The following NUP98 variants were observed in gnomAD, a reference collection of about 807,000 sequenced individuals.
The protein encoded by NUP98 is nucleoporin 98 and 96 precursor, also known as nuclear pore complex protein Nup98-Nup96.
NUP98 carries 26 observed loss-of-function variants against 191.9 expected under a neutral mutation model. The ratio of observed to expected loss-of-function variants is 0.14; its 90% CI spans 0.10 to 0.19. The LOEUF (loss-of-function observed/expected upper bound fraction) is 0.19. NUP98 is among the 10% of genes least tolerant of loss of function. The probability of loss-of-function intolerance (pLI) is 1.00; values close to 1 mark genes in which losing one functional copy is unlikely to be tolerated. For synonymous variants in NUP98, 808 were observed against 778.4 expected (o/e 1.04, Z -0.63); for missense variants, 1,941 against 2,178.8 (o/e 0.89, Z 2.17).
At chr11:3,680,173 A>G (rs935225584) in intron 30 of NUP98, among the ~76,000 whole-genome samples, 16 of 151,462 alleles carry the variant, frequency 1.1e-4, no homozygotes, top group African/African-American at 3.9e-4. Flanking sequence ...ATTTCTTAAA[A>G]TAAGATAACT....
intron 12 of NUP98, among the ~76,000 whole-genome samples, chr11:3,735,954 G>A (rs1449934114): frequency 6.6e-6 from 1 of 152,008 alleles, no homozygotes; most frequent in Non-Finnish European, 1.5e-5. Flanking sequence ...CCAGGCTGGA[G>A]TGTAGTGGCA....
intron 12 of NUP98, among the ~76,000 whole-genome samples, chr11:3,737,173 A>C (rs541871050): frequency 5.9e-5 from 9 of 152,314 alleles, no homozygotes; most frequent in African/African-American, 1.9e-4. Flanking sequence ...TTACAGACAA[A>C]AATACTACCT....
At chr11:3,772,313 T>C (rs2081556135) in intron 6 of NUP98, among the ~76,000 whole-genome samples, 3 of 152,118 alleles carry the variant, frequency 2.0e-5, no homozygotes, top group Non-Finnish European at 2.9e-5. Context: ...ATTTAGAAAA[T>C]AAAGTTTATC....
At chr11:3,742,899 GATTA>G (rs1215429746) in intron 12 of NUP98, among the ~76,000 whole-genome samples, 1 of 152,116 alleles carries the variant, frequency 6.6e-6, no homozygotes, top group Non-Finnish European at 1.5e-5. Flanking sequence ...TAGTATGGGA[GATTA>G]ATTTAGTGGT....
chr11:3,689,335 G>A (rs1335646139), intron 28 of NUP98, among the ~76,000 whole-genome samples: 1 of 152,076 alleles, frequency 6.6e-6, no homozygotes, highest in Non-Finnish European at 1.5e-5. Context: ...GACCATCTTG[G>A]CTAACACGGT....
intron 1 of NUP98, among the ~76,000 whole-genome samples, chr11:3,785,822 T>C (rs1032284786): frequency 6.6e-6 from 1 of 152,152 alleles, no homozygotes; most frequent in Non-Finnish European, 1.5e-5. Context: ...TCCATTCCAT[T>C]TGGATTTTAC....
rs181032591 is a variant in NUP98, at chr11:3,757,732, G to T, written c.1174+2807C>A. ...AAGAATCGCTTGAACCCAGGAGGCA[G>T]AGGTTGCAGTGAGCTGAAATCGCGC... On this transcript the variant is annotated intron_variant, in intron 10 of 32. Transcript: ENST00000324932. Among the ~76,000 whole-genome samples, 574 of 152,194 alleles carry T rather than the reference G, an allele frequency of 3.8e-3. 2 individuals are homozygous for T. Among genetic ancestry groups the T allele is most frequent in the African/African-American group, 0.013 (549 of 41,526 alleles).
intron 31 of NUP98, 73 bp downstream of exon 31, chr11:3,679,481 C>A: frequency 6.6e-7 from 1 of 1,524,054 alleles, no homozygotes. Context: ...TATACTAAGG[C>A]CTTGTGAGGT....
At position 3,725,884 on chromosome 11, in the gene NUP98, A is replaced by C. The variant is rs377630684; in HGVS notation, c.1731-665T>G. Among the ~76,000 whole-genome samples the C allele has an allele frequency of 5.3e-5, 8 of 152,280 alleles. No homozygotes were observed. In the East Asian group the frequency reaches 1.5e-3, roughly 29 times the overall value. ...GTGTGTAGTGGTACAATCGCTGATC[A>C]TGGCTCACTACAGCCTTGACTTACC... On this transcript the variant is annotated intron_variant, in intron 14 of 32. Coordinates refer to ENST00000324932, the MANE Select transcript of NUP98 (RefSeq NM_016320.5).
intron 8 of NUP98, among the ~76,000 whole-genome samples, chr11:3,765,222 T>C (rs1016214094): frequency 6.6e-6 from 1 of 152,158 alleles, no homozygotes; most frequent in African/African-American, 2.4e-5. Flanking sequence ...TAGGGTCTCA[T>C]TATGTCGCTC....
intron 18 of NUP98, among the ~76,000 whole-genome samples, chr11:3,715,179 C>T (rs561269655): frequency 1.3e-5 from 2 of 152,312 alleles, no homozygotes; most frequent in East Asian, 3.9e-4. Context: ...CTGAGTCTCG[C>T]TCTGTCACCC....
intron 15 of NUP98, among the ~76,000 whole-genome samples, 179 bp from the exon 16 acceptor site, chr11:3,723,634 G>C (rs1286806793): frequency 1.3e-5 from 2 of 151,714 alleles, no homozygotes; most frequent in African/African-American, 2.4e-5. Context: ...TATCTCTATT[G>C]TATACTCTCC....
At chr11:3,766,841 G>T (rs1166182432) in intron 8 of NUP98, among the ~76,000 whole-genome samples, 1 of 152,100 alleles carries the variant, frequency 6.6e-6, no homozygotes, top group Non-Finnish European at 1.5e-5. Context: ...ATTTACAAAG[G>T]TGATCATGTG....
intron 20 of NUP98, among the ~76,000 whole-genome samples, chr11:3,710,616 GAC>G (rs2134159056): frequency 6.6e-6 from 1 of 152,272 alleles, no homozygotes; most frequent in South Asian, 2.1e-4. Flanking sequence ...CAGTCATCTT[GAC>G]ACAGAGATGA....
At chr11:3,724,332 G>A (rs1364427104) in intron 15 of NUP98, among the ~76,000 whole-genome samples, 2 of 151,686 alleles carry the variant, frequency 1.3e-5, no homozygotes, top group Non-Finnish European at 2.9e-5. Flanking sequence ...CTACTCAGGA[G>A]GCTGAGGCAG....
intron 20 of NUP98, among the ~76,000 whole-genome samples, chr11:3,709,451 T>A (rs1156797623): frequency 6.6e-6 from 1 of 151,954 alleles, no homozygotes; most frequent in Non-Finnish European, 1.5e-5. Context: ...TGGCCTATAA[T>A]CCCAGCACAT....
chr11:3,775,768 T>A (rs2081698172), intron 5 of NUP98, 114 bp downstream of exon 5: 2 of 918,238 alleles, frequency 2.2e-6, no homozygotes, highest in Admixed American at 5.0e-5. Context: ...TTTTAACACA[T>A]CGTTCAGGCA....
At chr11:3,764,091 C>G (rs985067871) in intron 8 of NUP98, among the ~76,000 whole-genome samples, 1 of 152,130 alleles carries the variant, frequency 6.6e-6, no homozygotes, top group Non-Finnish European at 1.5e-5. Flanking sequence ...TTACACCCCC[C>G]AAAGAAATCC....
chr11:3,734,260 T>C (rs986539071), intron 13 of NUP98, among the ~76,000 whole-genome samples: 3 of 152,178 alleles, frequency 2.0e-5, no homozygotes, highest in Non-Finnish European at 4.4e-5. Flanking sequence ...GGTCGTGAAC[T>C]GAACTCAGGT....
Sources: gnomAD v4.1 joint callset for allele counts (sites outside exome capture counted in the v4.1 genomes callset) on GRCh38, gnomAD v4.1.1 for gene constraint, MANE v1.5 for transcripts, NCBI Gene and HGNC (gene_info 2026-07-23, HGNC 2026-07-21) for gene names.